Variants in RPS6KC1 observed in about 807,000 individuals in gnomAD.
The protein encoded by RPS6KC1 is ribosomal protein S6 kinase C1.
Under a neutral mutation model 103.8 loss-of-function variants are expected in RPS6KC1, and 54 were observed. That is an observed-to-expected ratio of 0.52 (90% CI 0.42 to 0.65). The LOEUF is 0.65. Ranked by LOEUF, RPS6KC1 falls within the 30% of genes least tolerant of loss-of-function variation. The pLI is 0.00. For synonymous variants in RPS6KC1, 439 were observed against 438.7 expected, an observed-to-expected ratio of 1.00 and a Z score of -0.01; for missense variants, 1,151 against 1,253.8, an observed-to-expected ratio of 0.92 and a Z score of 1.24.
the RPS6KC1 span, among the ~76,000 whole-genome samples, chr1:213,517,927 T>G: frequency 6.6e-6 from 1 of 152,206 alleles, no homozygotes; most frequent in African/African-American, 2.4e-5. Flanking sequence ...ATTGGGTGCA[T>G]ATATATTTAG....
At chr1:213,576,994 C>T in the RPS6KC1 span, among the ~76,000 whole-genome samples, 3 of 152,170 alleles carry the variant, frequency 2.0e-5, no homozygotes. Context: ...AAACCAGCCA[C>T]AACATTCCCT....
the RPS6KC1 span, among the ~76,000 whole-genome samples, chr1:213,578,328 C>T: frequency 6.6e-6 from 1 of 152,234 alleles, no homozygotes; most frequent in Admixed American, 6.5e-5. Context: ...TCTGCTAGGG[C>T]AGTTTGGAAG....
At chr1:213,787,034 A>T in the RPS6KC1 span, among the ~76,000 whole-genome samples, 101 of 152,344 alleles carry the variant, frequency 6.6e-4, no homozygotes, top group African/African-American at 2.4e-3. Context: ...GAAATGATTA[A>T]GCAATTAAGA....
the RPS6KC1 span, among the ~76,000 whole-genome samples, chr1:213,289,592 A>G: frequency 6.6e-6 from 1 of 152,246 alleles, no homozygotes; most frequent in African/African-American, 2.4e-5. Context: ...TTTCCATTTT[A>G]ATAAGGCAAG....
the RPS6KC1 span, among the ~76,000 whole-genome samples, chr1:213,754,003 T>C: frequency 1.8e-4 from 27 of 151,576 alleles, no homozygotes; most frequent in Non-Finnish European, 3.7e-4. Flanking sequence ...CGAGAGGAGA[T>C]GGGAGTACAT....
In RPS6KC1 at chr1:213,077,702, G is replaced by C. The variant is rs746720778; in HGVS notation, c.148G>C (p.Val50Leu). Residue 50 changes from valine to leucine, a missense_variant, in exon 3 of 15, where the codon GTA becomes CTA. Val to Leu is a conservative substitution (Grantham distance 32, BLOSUM62 1). Around this residue, in one of 3 missense-constraint regions of RPS6KC1, gnomAD observed 959 missense variants for 1,006.3 expected, o/e 0.95. Coordinates refer to ENST00000366960, the MANE Select transcript of RPS6KC1 (RefSeq NM_012424.6). ...TTAATTTTTTTCTCTCTAGATAATT[G>C]TATGGAAGAGATACAGTGATTTTAA... ...RNPEDVQEII[V>L]WKRYSDFKKL... 3.4e-6 allele frequency: 5 copies of C among 1,455,786 alleles called. 1 individual carries two copies. The Admixed American group carries it at 8.1e-5, about 23-fold the overall frequency. 90.2% of individuals were successfully genotyped at this position (1,455,786 alleles called of 1,614,324 possible). A position where few individuals can be genotyped will look rare whatever the true frequency, so the allele number is the denominator to read the frequency against.
At chr1:213,747,179 A>G in the RPS6KC1 span, among the ~76,000 whole-genome samples, 2 of 152,126 alleles carry the variant, frequency 1.3e-5, no homozygotes, top group South Asian at 2.1e-4. Context: ...GATGGCTGAG[A>G]AGGAGCAAAC....
At chr1:213,111,506 A>G (rs2083025978) in intron 4 of RPS6KC1, among the ~76,000 whole-genome samples, 1 of 152,156 alleles carries the variant, frequency 6.6e-6, no homozygotes, top group Non-Finnish European at 1.5e-5. Context: ...TATTTTTTAT[A>G]ACAGTGTTTG....
At chr1:213,587,834 C>T in the RPS6KC1 span, among the ~76,000 whole-genome samples, 1 of 152,174 alleles carries the variant, frequency 6.6e-6, no homozygotes, top group South Asian at 2.1e-4. Context: ...ATCTCCCCAC[C>T]CTCAACTCAG....
At chr1:213,113,303 CTGA>C (rs1455419970) in intron 4 of RPS6KC1, among the ~76,000 whole-genome samples, 2 of 152,104 alleles carry the variant, frequency 1.3e-5, no homozygotes, top group African/African-American at 4.8e-5. Flanking sequence ...TTGCATTTCT[CTGA>C]TGGCCAGTGA....
the RPS6KC1 span, among the ~76,000 whole-genome samples, chr1:213,728,948 GTTTT>G: frequency 1.1e-5 from 1 of 91,288 alleles, no homozygotes. Context: ...TTTTTTTTTT[GTTTT>G]TTTTTTTTTT....
the RPS6KC1 span, among the ~76,000 whole-genome samples, chr1:213,489,291 A>G: frequency 6.6e-6 from 1 of 152,118 alleles, no homozygotes; most frequent in South Asian, 2.1e-4. Context: ...CCTAGGTGTG[A>G]AGGAGATTCC....
rs1240202422 is a variant in RPS6KC1, at chr1:213,218,014, T to G, written c.1045-12483T>G. On this transcript the variant is annotated intron_variant, in intron 8 of 14. Coordinates refer to ENST00000366960, the MANE Select transcript of RPS6KC1 (RefSeq NM_012424.6). ...TCCTATTGAACGTATTGTTGAATAG[T>G]TCTGGCCAAGGCAATCAGGCAGGAG... Among the ~76,000 whole-genome samples, 4 of 152,254 alleles carry G rather than the reference T, an allele frequency of 2.6e-5. No individual in the cohort carries two copies. The South Asian group carries it at 8.3e-4, about 32-fold the overall frequency.
At chr1:213,215,011 G>A (rs2093621689) in intron 8 of RPS6KC1, among the ~76,000 whole-genome samples, 1 of 152,178 alleles carries the variant, frequency 6.6e-6, no homozygotes, top group African/African-American at 2.4e-5. Flanking sequence ...ACCAGCAACG[G>A]AACAAAGCTG....
At chr1:213,677,477 TAAG>T in the RPS6KC1 span, among the ~76,000 whole-genome samples, 3 of 152,198 alleles carry the variant, frequency 2.0e-5, no homozygotes, top group Admixed American at 2.0e-4. Flanking sequence ...CTGGGGATCT[TAAG>T]AAGAAGAATA....
At chr1:213,629,533 A>T in the RPS6KC1 span, among the ~76,000 whole-genome samples, 1 of 152,118 alleles carries the variant, frequency 6.6e-6, no homozygotes, top group African/African-American at 2.4e-5. Flanking sequence ...TTGAATCTTT[A>T]TCCAATTTGC....
the RPS6KC1 span, among the ~76,000 whole-genome samples, chr1:213,678,845 C>A: frequency 2.6e-5 from 4 of 152,192 alleles, no homozygotes; most frequent in Non-Finnish European, 2.9e-5. Context: ...TGAAAACTTG[C>A]TGGCTGTTCC....
At position 213,241,369 on chromosome 1, in the gene RPS6KC1, A is replaced by G; in HGVS notation, c.1893A>G (p.Pro631=). Residue 631 remains proline (P), a synonymous_variant, in exon 11 of 15, where the codon CCA becomes CCG. Coordinates refer to ENST00000366960, the MANE Select transcript of RPS6KC1 (RefSeq NM_012424.6). ...GTCTAAAATCAGAACCTTTGAAACC[A>G]TTCTTTACTCTTCCAGATGGAGACA... is the stretch of plus-strand genomic sequence containing the variant. ...LYSLKSEPLK[P]FFTLPDGDSA... The G allele has an allele frequency of 6.2e-7, 1 of 1,613,920 alleles. No homozygotes were observed. Among genetic ancestry groups the G allele is most frequent in the Non-Finnish European group, 8.5e-7 (1 of 1,179,922 alleles).
chr1:213,405,927 T>A, the RPS6KC1 span, among the ~76,000 whole-genome samples: 9 of 152,152 alleles, frequency 5.9e-5, no homozygotes, highest in African/African-American at 1.9e-4. Context: ...TGAAGCCTCC[T>A]CCGACCCGGC....
Sources: gnomAD v4.1 joint callset for allele counts (sites outside exome capture counted in the v4.1 genomes callset) on GRCh38, gnomAD v4.1.1 for gene constraint, gnomAD v4.1.1 regional missense constraint, MANE v1.5 for transcripts, NCBI Gene and HGNC (gene_info 2026-07-23, HGNC 2026-07-21) for gene names.